The following SART1 variants were observed in gnomAD, a reference collection of about 807,000 sequenced individuals.
SART1 encodes the protein spliceosome associated factor 1, recruiter of U4/U6.U5 tri-snRNP, also known as U4/U6.U5 tri-snRNP-associated protein 1.
Under a neutral mutation model 105.0 loss-of-function variants are expected in SART1, and 28 were observed. That is an observed-to-expected ratio of 0.27 (90% CI 0.20 to 0.37). The LOEUF (loss-of-function observed/expected upper bound fraction) is 0.37. Ranked by LOEUF, SART1 falls within the 10% of genes least tolerant of loss-of-function variation. The pLI, the probability that SART1 is intolerant of heterozygous loss-of-function variation, is 1.00. For missense variants in SART1, 894 were observed against 1,106.5 expected (o/e 0.81, Z 2.72); for synonymous variants, 472 against 462.9 (o/e 1.02, Z -0.25).
Position 65,978,165 on chromosome 11 carries a change from T to C in SART1, c.2172+266T>C. 1 of 542,766 alleles carries C rather than the reference T, an allele frequency of 1.8e-6. No individual in the cohort carries two copies. The highest frequency in any genetic ancestry group is 3.3e-6 in the Non-Finnish European group (1 of 302,244). 33.6% of individuals were successfully genotyped at this position (542,766 alleles called of 1,614,324 possible). A position where few individuals can be genotyped will look rare whatever the true frequency, so the allele number is the denominator to read the frequency against. The stretch of plus-strand genomic sequence containing the variant: ...ACTCGGGACCTCTGCCCTCCTGTCC[T>C]CACCTGCGTGAGCCCTTCACTGGCT... On this transcript the variant is annotated intron_variant, in intron 17 of 19. Coordinates refer to ENST00000312397, the MANE Select transcript of SART1 (RefSeq NM_005146.5). The surrounding 1 kb of genome is among the most constrained non-coding windows in gnomAD (Gnocchi z 6.8).
At chr11:65,968,205 C>T (rs1052035606) in intron 12 of SART1, among the ~76,000 whole-genome samples, 1 of 152,174 alleles carries the variant, frequency 6.6e-6, no homozygotes, top group African/African-American at 2.4e-5. Flanking sequence ...GCCTCTGCCT[C>T]CGAAAATGCT....
At position 65,964,092 on chromosome 11, in the gene SART1, G is replaced by A. The variant is rs565978227; in HGVS notation, c.332G>A (p.Ser111Asn). 1 of 1,612,730 alleles carries A rather than the reference G, an allele frequency of 6.2e-7. No individual in the cohort carries two copies. Among genetic ancestry groups the A allele is most frequent in the South Asian group, 1.1e-5 (1 of 91,076 alleles). The part of the protein sequence containing the change: ...GYEAAASSKT[S>N]SGDASSLSIE... ...GTTCCAGCTGCCAGCTCCAAAACTA[G>A]CTCAGGCGATGCCTCCTCACTCAGC... is the stretch of plus-strand genomic sequence containing the variant. The change falls in exon 2 of 20, where the codon AGC becomes AAC. Residue 111 changes from serine to asparagine, a missense_variant. Transcript: ENST00000312397.
rs764613050 is a variant in SART1 at position 65,967,597 on chromosome 11, G to A, written c.1429+11G>A. 24 of 1,610,612 alleles carry A rather than the reference G, an allele frequency of 1.5e-5. No individual in the cohort carries two copies. Among genetic ancestry groups the A allele is most frequent in the Non-Finnish European group, 2.0e-5 (23 of 1,179,190 alleles). On this transcript the variant is annotated intron_variant, in intron 11 of 19. Coordinates refer to ENST00000312397, the MANE Select transcript of SART1 (RefSeq NM_005146.5). The stretch of plus-strand genomic sequence containing the variant: ...ACATCAGTGATGAGGGTGAGGGCCC[G>A]GCCAGGGGGTGGGAGGGGCAGGGAC...
At chr11:65,964,022 T>A (rs1855198513) in intron 1 of SART1, 52 bp from the exon 2 acceptor site, 2 of 1,570,368 alleles carry the variant, frequency 1.3e-6, no homozygotes, top group Non-Finnish European at 1.7e-6. Flanking sequence ...CCAACGATGC[T>A]GGCTTCTTGG....
intron 12 of SART1, among the ~76,000 whole-genome samples, chr11:65,968,714 A>G (rs777477795): frequency 2.0e-5 from 3 of 151,970 alleles, no homozygotes. Context: ...GTCTCAGGAG[A>G]AGTGACCTTA....
intron 12 of SART1, among the ~76,000 whole-genome samples, chr11:65,972,361 T>C (rs577168800): frequency 6.6e-6 from 1 of 152,192 alleles, no homozygotes; most frequent in East Asian, 1.9e-4. Context: ...CAGTCAGTTA[T>C]CTATTTGGGG....
intron 12 of SART1, among the ~76,000 whole-genome samples, chr11:65,972,067 G>A (rs1404861750): frequency 6.6e-6 from 1 of 152,036 alleles, no homozygotes; most frequent in Non-Finnish European, 1.5e-5. Flanking sequence ...TTCCCGATAT[G>A]AATTTAGGGG....
In SART1 at chr11:65,965,994, G is replaced by A. The variant is rs79177013; in HGVS notation, c.838+8G>A. On this transcript the variant is annotated splice_region_variant and intron_variant, in intron 7 of 19. Transcript: ENST00000312397. ...TTACCCTCAAGGACAAAGGTAATGC[G>A]AGCTGGGTGCCCTGGGTGGGGGCAC... 0.047 allele frequency: 75,686 copies of A among 1,614,006 alleles called. 2,111 individuals are homozygous for A. The highest frequency in any genetic ancestry group is 0.057 in the Non-Finnish European group (66,954 of 1,179,994).
rs1225316644 is a variant in SART1, at chr11:65,964,543, C to G, written c.400C>G (p.Pro134Ala). Reference sequence around the variant, plus strand: ...ACTCCGGGCAAAGTTGGGGCTGAAACCCTTGGAGGTTAATGCCATCAAGAA... The same window carrying G: ...ACTCCGGGCAAAGTTGGGGCTGAAAGCCTTGGAGGTTAATGCCATCAAGAA... ...NKLRAKLGLK[P>A]LEVNAIKKEA... The change falls in exon 3 of 20, where the codon CCC (proline) becomes GCC (alanine). Residue 134 changes from proline (P) to alanine (A), a missense_variant. Pro to Ala is a conservative substitution (Grantham distance 27). Transcript: ENST00000312397. 6.2e-7 allele frequency: 1 copy of G among 1,612,354 alleles called. No individual in the cohort carries two copies. The highest frequency in any genetic ancestry group is 8.5e-7 in the Non-Finnish European group (1 of 1,179,590).
In SART1 at chr11:65,980,038, GGGAGACACAGGC is replaced by G. The variant is rs1855556438; in HGVS notation, c.*1009_*1020del. 1.3e-5 allele frequency among the ~76,000 whole-genome samples: 2 copies of G among 152,022 alleles called. No individual in the cohort carries two copies. Among genetic ancestry groups the G allele is most frequent in the Non-Finnish European group, 2.9e-5 (2 of 67,998 alleles). On this transcript the variant is annotated 3_prime_UTR_variant, in exon 20 of 20. Coordinates refer to ENST00000312397, the MANE Select transcript of SART1 (RefSeq NM_005146.5). The stretch of plus-strand genomic sequence containing the variant: ...TGAGGTGGGAGGATCACTTGAACCT[GGGAGACACAGGC>G]TGCAGTGGGCCCTGATTGAGCCACC...
In SART1 at chr11:65,977,573, G is replaced by C. The variant is rs1303080234; in HGVS notation, c.1956G>C (p.Glu652Asp). The C allele has an allele frequency of 6.2e-7, 1 of 1,614,000 alleles. No homozygotes were observed. The highest frequency in any genetic ancestry group is 8.5e-7 in the Non-Finnish European group (1 of 1,179,978). Reference protein sequence around the residue: ...LLLCQNKGLLETTVQKVARVK... With the variant: ...LLLCQNKGLLDTTVQKVARVK... Reference sequence around the variant, plus strand: ...CCCCTCCATCCCTAGGGCTGCTGGAGACCACAGTGCAGAAGGTGGCCCGGG... The same window carrying C: ...CCCCTCCATCCCTAGGGCTGCTGGACACCACAGTGCAGAAGGTGGCCCGGG... Residue 652 changes from glutamate (E) to aspartate (D), a missense_variant, in exon 16 of 20, where the codon GAG becomes GAC. Glu to Asp is a conservative substitution (Grantham distance 45). Coordinates refer to ENST00000312397, the MANE Select transcript of SART1 (RefSeq NM_005146.5).
intron 12 of SART1, among the ~76,000 whole-genome samples, chr11:65,973,914 CA>C (rs1184943424): frequency 1.3e-5 from 2 of 152,032 alleles, no homozygotes; most frequent in African/African-American, 4.8e-5. Context: ...AATAACTGTT[CA>C]GGGGCAGGTC....
chr11:65,966,194 C>G lies in SART1; in HGVS notation c.957C>G (p.Asp319Glu), dbSNP rs775586538. The change falls in exon 8 of 20, where the codon GAC (aspartate) becomes GAG (glutamate). Residue 319 changes from aspartate (D) to glutamate (E), a missense_variant. By Grantham distance (45) the Asp-to-Glu change is conservative (BLOSUM62 2). Transcript: ENST00000312397. ...KKPDYLPYAEDESVDDLAQQK... is the reference protein window; with the variant it reads ...KKPDYLPYAEEESVDDLAQQK... ...CTGACTACCTGCCCTATGCCGAGGA[C>G]GAGAGCGTGGACGACCTGGCGCAGG... The G allele has an allele frequency of 6.2e-7, 1 of 1,613,986 alleles. No individual in the cohort carries two copies. Among genetic ancestry groups the G allele is most frequent in the Non-Finnish European group, 8.5e-7 (1 of 1,180,022 alleles).
At chr11:65,962,206 T>C (rs58905199) in intron 1 of SART1, 113 bp downstream of exon 1, 32,480 of 786,342 alleles carry the variant, frequency 0.041, 1,559 homozygotes, top group African/African-American at 0.18. Flanking sequence ...ACCCCCAAGC[T>C]GTTTACCAGC....
Position 65,967,299 on chromosome 11 carries a change from G to A in SART1, c.1229G>A (p.Arg410His), listed in dbSNP as rs769498116. Residue 410 changes from arginine (R) to histidine (H), a missense_variant, in exon 10 of 20, where the codon CGC becomes CAC. Physicochemically the swap from Arg to His is conservative, Grantham distance 29. This residue lies in a region of SART1 where 712 missense variants were observed against 778.2 expected (regional missense o/e 0.91). Transcript: ENST00000312397. ...ACCAAGCGGAGGGTGAAGAAAATCC[G>A]CAAGAAGGAGAAGGAGGTAGTAGTG... ...KKTKRRVKKI[R>H]KKEKEVVVRA... 30 of 1,613,946 alleles carry A rather than the reference G, an allele frequency of 1.9e-5. No individual in the cohort carries two copies. Among genetic ancestry groups the A allele is most frequent in the East Asian group, 6.7e-5 (3 of 44,872 alleles).
rs776126979 is a variant in SART1, at chr11:65,967,595, C to T, written c.1429+9C>T. ...GGACATCAGTGATGAGGGTGAGGGC[C>T]CGGCCAGGGGGTGGGAGGGGCAGGG... On this transcript the variant is annotated intron_variant, in intron 11 of 19. Coordinates refer to ENST00000312397, the MANE Select transcript of SART1 (RefSeq NM_005146.5). 2.5e-6 allele frequency: 4 copies of T among 1,610,952 alleles called. No homozygotes were observed. Among genetic ancestry groups the T allele is most frequent in the Non-Finnish European group, 1.7e-6 (2 of 1,179,312 alleles).
Position 65,978,260 on chromosome 11 carries a change from G to C in SART1, c.2173-340G>C. 2.0e-6 allele frequency: 1 copy of C among 491,486 alleles called. No homozygotes were observed. The highest frequency in any genetic ancestry group is 2.2e-5 in the South Asian group (1 of 45,876). 30.4% of individuals were successfully genotyped at this position (491,486 alleles called of 1,614,324 possible). On this transcript the variant is annotated intron_variant, in intron 17 of 19. Transcript: ENST00000312397. The surrounding 1 kb of genome is among the most constrained non-coding windows in gnomAD (Gnocchi z 6.8). ...CTCTCGTAGGCCGCCCGACCGTCCT[G>C]CCCTACCACTCAGCTGCCCCCTTGC... is the stretch of plus-strand genomic sequence containing the variant.
At chr11:65,975,314 G>C (rs879511431) in intron 12 of SART1, among the ~76,000 whole-genome samples, 1 of 151,702 alleles carries the variant, frequency 6.6e-6, no homozygotes, top group African/African-American at 2.4e-5. Context: ...TATTGTCCAG[G>C]CTGGTCTCGA....
chr11:65,971,798 A>G (rs902364282), intron 12 of SART1, among the ~76,000 whole-genome samples: 1 of 152,094 alleles, frequency 6.6e-6, no homozygotes, highest in Non-Finnish European at 1.5e-5. Context: ...GGGACATAAC[A>G]GAGAATGATG....
Sources: gnomAD v4.1 joint callset for allele counts (sites outside exome capture counted in the v4.1 genomes callset) on GRCh38, gnomAD v4.1.1 for gene constraint, gnomAD v4.1.1 regional missense constraint, Gnocchi (gnomAD v3.1) non-coding constraint, MANE v1.5 for transcripts, NCBI Gene and HGNC (gene_info 2026-07-23, HGNC 2026-07-21) for gene names.